Variants in LINGO2 observed in about 807,000 individuals in gnomAD.
LINGO2 encodes leucine rich repeat and Ig domain containing 2, also known as leucine-rich repeat and immunoglobulin-like domain-containing nogo receptor-interacting protein 2.
Under a neutral mutation model 30.6 loss-of-function variants are expected in LINGO2, and 14 were observed. The ratio of observed to expected loss-of-function variants is 0.46; its 90% CI spans 0.30 to 0.72. The LOEUF is 0.72. Ranked by LOEUF, LINGO2 falls within the 30% of genes least tolerant of loss-of-function variation. The pLI is 0.07. For synonymous variants in LINGO2, 317 were observed against 288.5 expected (o/e 1.10, Z -1.00); for missense variants, 729 against 751.7 (o/e 0.97, Z 0.35).
chr9:28,973,873 C>T, the LINGO2 span, among the ~76,000 whole-genome samples: 1 of 152,132 alleles, frequency 6.6e-6, no homozygotes, highest in Non-Finnish European at 1.5e-5. Flanking sequence ...AACATGAGAC[C>T]TGTCCTACAA....
chr9:28,920,335 C>G, the LINGO2 span, among the ~76,000 whole-genome samples: 1 of 151,824 alleles, frequency 6.6e-6, no homozygotes, highest in Admixed American at 6.6e-5. Flanking sequence ...TTCAGAAGCT[C>G]AGCTTTGCTA....
chr9:28,726,837 A>T, the LINGO2 span, among the ~76,000 whole-genome samples: 1 of 152,162 alleles, frequency 6.6e-6, no homozygotes, highest in Non-Finnish European at 1.5e-5. Flanking sequence ...GTTATATTCC[A>T]TTTGGTACCT....
the LINGO2 span, among the ~76,000 whole-genome samples, chr9:29,059,884 T>C: frequency 6.6e-5 from 10 of 152,054 alleles, no homozygotes; most frequent in Admixed American, 6.6e-4. Context: ...AAAACTTCTG[T>C]TATTTGAAAG....
chr9:28,443,040 T>G (rs2135027311), intron 2 of LINGO2, among the ~76,000 whole-genome samples: 1 of 152,300 alleles, frequency 6.6e-6, no homozygotes, highest in East Asian at 1.9e-4. Context: ...TGATAAGCTT[T>G]AAAATAAGGA....
chr9:28,755,318 C>G, the LINGO2 span, among the ~76,000 whole-genome samples: 1 of 152,014 alleles, frequency 6.6e-6, no homozygotes, highest in Non-Finnish European at 1.5e-5. Context: ...ACAAACTGAG[C>G]CAAAGCTTTT....
chr9:28,587,298 T>A (rs544560087), intron 1 of LINGO2, among the ~76,000 whole-genome samples: 17 of 152,040 alleles, frequency 1.1e-4, no homozygotes, highest in Non-Finnish European at 1.9e-4. Context: ...ACCATTCCTA[T>A]GCCCTCATAT....
chr9:28,808,027 C>G, the LINGO2 span, among the ~76,000 whole-genome samples: 1 of 152,108 alleles, frequency 6.6e-6, no homozygotes, highest in African/African-American at 2.4e-5. Flanking sequence ...TTTAGCATTA[C>G]CAATGATTAG....
At chr9:28,531,879 C>G (rs2135430798) in intron 1 of LINGO2, among the ~76,000 whole-genome samples, 1 of 152,058 alleles carries the variant, frequency 6.6e-6, no homozygotes, top group African/African-American at 2.4e-5. Context: ...TTCAGATGCA[C>G]TGAATTATTC....
At chr9:28,227,314 G>A (rs1159547400) in intron 4 of LINGO2, among the ~76,000 whole-genome samples, 2 of 151,948 alleles carry the variant, frequency 1.3e-5, no homozygotes, top group African/African-American at 2.4e-5. Context: ...CATGGACCAT[G>A]GTCCCCTATT....
intron 3 of LINGO2, among the ~76,000 whole-genome samples, chr9:28,362,063 C>G (rs1023742910): frequency 6.6e-6 from 1 of 152,204 alleles, no homozygotes; most frequent in Non-Finnish European, 1.5e-5. Context: ...CTAAAACATA[C>G]AGATTCCTGG....
At chr9:28,567,009 T>C (rs1823418024) in intron 1 of LINGO2, among the ~76,000 whole-genome samples, 1 of 152,186 alleles carries the variant, frequency 6.6e-6, no homozygotes, top group South Asian at 2.1e-4. Flanking sequence ...AAATGCAACA[T>C]TACTTCCTTA....
intron 1 of LINGO2, among the ~76,000 whole-genome samples, chr9:28,492,488 A>G (rs1200868301): frequency 1.3e-5 from 2 of 152,206 alleles, no homozygotes. Flanking sequence ...CTGAAGCTGC[A>G]TAACATAGCT....
the LINGO2 span, among the ~76,000 whole-genome samples, chr9:28,991,030 G>A: frequency 6.6e-6 from 1 of 152,204 alleles, no homozygotes; most frequent in East Asian, 1.9e-4. Context: ...ACTTTGATGA[G>A]TTGAGAGAAG....
chr9:28,167,697 T>A (rs979226839), intron 4 of LINGO2, among the ~76,000 whole-genome samples: 4 of 152,220 alleles, frequency 2.6e-5, no homozygotes, highest in Non-Finnish European at 4.4e-5. Context: ...TATTGTCTAA[T>A]TTTTAAAGCA....
intron 1 of LINGO2, among the ~76,000 whole-genome samples, chr9:28,565,718 A>T (rs1161067753): frequency 1.4e-5 from 2 of 146,222 alleles, no homozygotes; most frequent in South Asian, 2.2e-4. Context: ...CGCCCACCTA[A>T]TTTTTTTTGT....
chr9:28,627,327 A>G (rs1311720579), intron 1 of LINGO2, among the ~76,000 whole-genome samples: 1 of 152,076 alleles, frequency 6.6e-6, no homozygotes, highest in Non-Finnish European at 1.5e-5. Flanking sequence ...CCAATAGACA[A>G]ATAATATTGT....
chr9:29,040,247 G>T, the LINGO2 span, among the ~76,000 whole-genome samples: 1 of 151,884 alleles, frequency 6.6e-6, no homozygotes, highest in Non-Finnish European at 1.5e-5. Flanking sequence ...ATTTTAAATT[G>T]ATAAAATTGC....
At chr9:28,828,658 A>T in the LINGO2 span, among the ~76,000 whole-genome samples, 2 of 151,804 alleles carry the variant, frequency 1.3e-5, no homozygotes, top group Non-Finnish European at 2.9e-5. Flanking sequence ...GACAAGAATT[A>T]CTTGTGACTG....
At chr9:28,886,289 A>G in the LINGO2 span, among the ~76,000 whole-genome samples, 1 of 152,096 alleles carries the variant, frequency 6.6e-6, no homozygotes, top group Non-Finnish European at 1.5e-5. Context: ...AGGATAGAAA[A>G]TGGAGGCTCA....
Sources: allele counts gnomAD v4.1 joint callset (sites outside exome capture counted in the v4.1 genomes callset), GRCh38; gene constraint gnomAD v4.1.1; transcripts MANE v1.5; gene names NCBI Gene and HGNC (gene_info 2026-07-23, HGNC 2026-07-21).